Variants in RGSL1 observed in about 807,000 individuals in gnomAD.
The protein encoded by RGSL1 is regulator of G protein signaling like 1.
RGSL1 carries 97 observed loss-of-function variants against 124.7 expected under a neutral mutation model. The ratio of observed to expected loss-of-function variants is 0.78; its 90% CI spans 0.66 to 0.92. The LOEUF is 0.92. Among genes scored for constraint, RGSL1 ranks in the 40% least tolerant of loss-of-function variants. The pLI is 0.00. For synonymous variants in RGSL1, 424 were observed against 438.1 expected (o/e 0.97, Z 0.40); for missense variants, 1,233 against 1,288.4 (o/e 0.96, Z 0.66).
At chr1:182,501,307 CTTTTTTTTTTTTTTTTT>C (rs141279993) in intron 9 of RGSL1, among the ~76,000 whole-genome samples, 3 of 61,366 alleles carry the variant, frequency 4.9e-5, no homozygotes, top group African/African-American at 6.5e-5. Flanking sequence ...TTTTTCTTTT[CTTTTTTTTTTTTTTTTT>C]TTTTTTTTTT....
chr1:182,472,653 C>A, intron 5 of RGSL1, 96 bp downstream of exon 5: 3 of 1,266,842 alleles, frequency 2.4e-6, no homozygotes, highest in South Asian at 1.8e-5. Flanking sequence ...GAAACCCCAC[C>A]TTCTTTCCAT....
chr1:182,537,184 A>G (rs576826868), intron 14 of RGSL1, among the ~76,000 whole-genome samples: 1 of 152,246 alleles, frequency 6.6e-6, no homozygotes, highest in African/African-American at 2.4e-5. Flanking sequence ...CTGATATGAC[A>G]CCACAAATAG....
chr1:182,449,529 C>T (rs1435092946), upstream of RGSL1, among the ~76,000 whole-genome samples: 1 of 152,086 alleles, frequency 6.6e-6, no homozygotes, highest in Non-Finnish European at 1.5e-5. Flanking sequence ...TATTTACTTC[C>T]TATTAGGGAA....
chr1:182,521,723 CTAAT>C (rs1658352554), intron 9 of RGSL1, among the ~76,000 whole-genome samples: 2 of 152,154 alleles, frequency 1.3e-5, no homozygotes, highest in Admixed American at 1.3e-4. Flanking sequence ...TTGACATTAA[CTAAT>C]GTAACGAGGA....
intron 9 of RGSL1, among the ~76,000 whole-genome samples, chr1:182,520,703 T>C (rs921341106): frequency 2.0e-5 from 3 of 152,198 alleles, no homozygotes. Context: ...TTGTTTTGTT[T>C]ATTTATTTGT....
In RGSL1 at chr1:182,455,536, T is replaced by C. The variant is rs1216757353; in HGVS notation, c.96+1496T>C. Among the ~76,000 whole-genome samples, 5 of 151,382 alleles carry C rather than the reference T, an allele frequency of 3.3e-5. No individual in the cohort carries two copies. The South Asian group carries it at 6.3e-4, about 19-fold the overall frequency. ...GGCGGAGGTTGCAGTGAGCCGAGAT[T>C]GCACCACTGCACTCCAGCCTAAGTG... On this transcript the variant is annotated intron_variant, in intron 2 of 21. Transcript: ENST00000294854.
At position 182,522,037 on chromosome 1, in the gene RGSL1, C is replaced by T. The variant is rs1435210764; in HGVS notation, c.1859C>T (p.Thr620Ile). Residue 620 changes from threonine to isoleucine, a missense_variant, in exon 10 of 22, where the codon ACA (threonine) becomes ATA (isoleucine). Transcript: ENST00000294854. ...ATGGAAATTATCAAGGAAACAAAGA[C>T]AGTTTCACGCTCAAATAGGAAAATG... Reference protein sequence around the residue: ...FKMEIIKETKTVSRSNRKMSL... With the variant: ...FKMEIIKETKIVSRSNRKMSL... 2.6e-6 allele frequency: 4 copies of T among 1,547,654 alleles called. No individual in the cohort carries two copies. Among genetic ancestry groups the T allele is most frequent in the South Asian group, 1.2e-5 (1 of 83,100 alleles).
At chr1:182,479,828 T>G (rs899726682) in intron 6 of RGSL1, among the ~76,000 whole-genome samples, 9 of 152,176 alleles carry the variant, frequency 5.9e-5, no homozygotes, top group Non-Finnish European at 1.3e-4. Flanking sequence ...AAAAGCATAT[T>G]TGGCTATACT....
intron 9 of RGSL1, among the ~76,000 whole-genome samples, chr1:182,508,043 C>T (rs1291751276): frequency 6.6e-6 from 1 of 151,906 alleles, no homozygotes; most frequent in Non-Finnish European, 1.5e-5. Context: ...AACTATATAC[C>T]CAGTAATAGA....
chr1:182,537,647 A>G (rs1011122294), intron 14 of RGSL1, among the ~76,000 whole-genome samples: 3 of 152,078 alleles, frequency 2.0e-5, no homozygotes, highest in Admixed American at 6.6e-5. Context: ...GAGCCATGTT[A>G]TTTGTATGGC....
intron 5 of RGSL1, among the ~76,000 whole-genome samples, chr1:182,473,087 T>G (rs987400301): frequency 2.6e-5 from 4 of 152,224 alleles, no homozygotes; most frequent in African/African-American, 7.2e-5. Context: ...GATTAGATGA[T>G]GAGGCATTCC....
intron 4 of RGSL1, among the ~76,000 whole-genome samples, chr1:182,470,035 A>G (rs1311106849): frequency 6.6e-6 from 1 of 152,052 alleles, no homozygotes; most frequent in East Asian, 1.9e-4. Flanking sequence ...CTGTTTAATG[A>G]GTAAAGAGTT....
At chr1:182,489,229 G>C in intron 8 of RGSL1, 27 bp downstream of exon 8, 1 of 1,528,818 alleles carries the variant, frequency 6.5e-7, no homozygotes. Flanking sequence ...TAATTTTTTT[G>C]ACCTTTACAT....
chr1:182,462,300 C>T (rs536304601), intron 4 of RGSL1, among the ~76,000 whole-genome samples: 1 of 152,150 alleles, frequency 6.6e-6, no homozygotes, highest in Non-Finnish European at 1.5e-5. Flanking sequence ...TTAAGATATT[C>T]CCAGATAAAC....
chr1:182,548,942 A>C, intron 17 of RGSL1, 118 bp downstream of exon 17: 8 of 1,285,120 alleles, frequency 6.2e-6, no homozygotes, highest in Non-Finnish European at 7.4e-6. Flanking sequence ...AGGGGGAACT[A>C]AGATGGTGTT....
At chr1:182,502,508 T>G (rs1191404519) in intron 9 of RGSL1, among the ~76,000 whole-genome samples, 1 of 152,138 alleles carries the variant, frequency 6.6e-6, no homozygotes, top group Non-Finnish European at 1.5e-5. Flanking sequence ...CCTAGGAAGC[T>G]GAGGCTGCAG....
At position 182,527,697 on chromosome 1, in the gene RGSL1, GAGACCA is replaced by G; in HGVS notation, c.2052_2057del (p.Glu684_Asn686delinsAsp). The G allele has an allele frequency of 6.4e-7, 1 of 1,551,312 alleles. No individual in the cohort carries two copies. The highest frequency in any genetic ancestry group is 1.4e-5 in the African/African-American group (1 of 73,126). On this transcript the variant is annotated inframe_deletion, in exon 11 of 22. Transcript: ENST00000294854. The stretch of plus-strand genomic sequence containing the variant: ...CACAGCTGTACAGAAGATCAGTATA[GAGACCA>G]ATGAAAAGATTTGCAAGTCTCTCAT...
intron 13 of RGSL1, among the ~76,000 whole-genome samples, chr1:182,532,182 G>A (rs1659220103): frequency 6.6e-6 from 1 of 152,090 alleles, no homozygotes; most frequent in Admixed American, 6.6e-5. Flanking sequence ...TGAAATTCGT[G>A]TGTGTATGTG....
chr1:182,547,102 C>T (rs551053072), intron 15 of RGSL1, among the ~76,000 whole-genome samples: 130 of 152,348 alleles, frequency 8.5e-4, no homozygotes, highest in African/African-American at 3.1e-3. Context: ...TGATTGCTCA[C>T]TCTTTACTGA....
Sources: gnomAD v4.1 joint callset for allele counts (sites outside exome capture counted in the v4.1 genomes callset) on GRCh38, gnomAD v4.1.1 for gene constraint, MANE v1.5 for transcripts, NCBI Gene and HGNC (gene_info 2026-07-23, HGNC 2026-07-21) for gene names.